FGGY: variants seen among roughly 807,000 people sequenced by gnomAD.
The protein encoded by FGGY is FGGY carbohydrate kinase domain-containing protein.
A neutral mutation model predicts 71.3 loss-of-function variants in FGGY; 72 were observed. The ratio of observed to expected loss-of-function variants is 1.01; its 90% CI spans 0.84 to 1.23. The LOEUF is 1.23. Ranked by LOEUF, FGGY falls within the 50% of genes most tolerant of loss-of-function variation. FGGY has a pLI of 0.00. For synonymous variants in FGGY, 251 were observed against 250.3 expected, an observed-to-expected ratio of 1.00 and a Z score of -0.02; for missense variants, 668 against 682.3, an observed-to-expected ratio of 0.98 and a Z score of 0.23.
rs544615893 is a variant in FGGY, at chr1:59,463,075, C to T, written c.670+5999C>T. Reference sequence around the variant, plus strand: ...AACCAACCCAAATGTCCATCAATGACAGACTGGATTAAGAAAATGTGGCAC... The same window carrying T: ...AACCAACCCAAATGTCCATCAATGATAGACTGGATTAAGAAAATGTGGCAC... On this transcript the variant is annotated intron_variant, in intron 6 of 15. Transcript: ENST00000303721. 7.2e-5 allele frequency among the ~76,000 whole-genome samples: 11 copies of T among 152,200 alleles called. No individual in the cohort carries two copies. In the East Asian group the frequency reaches 7.7e-4, roughly 11 times the overall value.
chr1:59,360,949 G>A (rs2055389037), intron 4 of FGGY, among the ~76,000 whole-genome samples: 1 of 152,174 alleles, frequency 6.6e-6, no homozygotes, highest in Non-Finnish European at 1.5e-5. Flanking sequence ...TCCAGCCTGT[G>A]CTGTTTCTAC....
chr1:59,347,771 G>A (rs2153222022), intron 4 of FGGY, among the ~76,000 whole-genome samples: 1 of 152,186 alleles, frequency 6.6e-6, no homozygotes, highest in African/African-American at 2.4e-5. Flanking sequence ...AACTGAAACT[G>A]GATCCCTTCC....
At chr1:59,651,975 T>C (rs1371702880) in intron 11 of FGGY, among the ~76,000 whole-genome samples, 1 of 151,442 alleles carries the variant, frequency 6.6e-6, no homozygotes, top group Non-Finnish European at 1.5e-5. Flanking sequence ...CAGCATTTGC[T>C]TGTCTGTAAA....
intron 9 of FGGY, among the ~76,000 whole-genome samples, chr1:59,618,187 A>G (rs1002245880): frequency 2.0e-5 from 3 of 152,148 alleles, no homozygotes; most frequent in Non-Finnish European, 4.4e-5. Flanking sequence ...ATTGTAGGAC[A>G]TAAAAATAGA....
At chr1:59,479,171 A>G (rs960039595) in intron 6 of FGGY, among the ~76,000 whole-genome samples, 3 of 152,192 alleles carry the variant, frequency 2.0e-5, no homozygotes, top group Non-Finnish European at 4.4e-5. Context: ...CCAAGGTCAT[A>G]TAGCTGGGTT....
At chr1:59,526,769 G>A (rs936918032) in intron 7 of FGGY, among the ~76,000 whole-genome samples, 4 of 152,186 alleles carry the variant, frequency 2.6e-5, no homozygotes, top group African/African-American at 9.6e-5. Flanking sequence ...AGAGGCAGCC[G>A]GGAAGACGGA....
intron 4 of FGGY, among the ~76,000 whole-genome samples, chr1:59,374,284 C>G (rs553603755): frequency 1.6e-4 from 25 of 152,306 alleles, no homozygotes; most frequent in Admixed American, 1.0e-3. Context: ...ATTTATGCAG[C>G]CAGAAACCAC....
At chr1:59,634,284 G>A (rs2096935530) in intron 10 of FGGY, among the ~76,000 whole-genome samples, 1 of 152,114 alleles carries the variant, frequency 6.6e-6, no homozygotes, top group Non-Finnish European at 1.5e-5. Flanking sequence ...GCACACGCCT[G>A]TAGTCCCAGC....
intron 4 of FGGY, among the ~76,000 whole-genome samples, chr1:59,369,506 G>A (rs551794370): frequency 1.0e-3 from 152 of 152,322 alleles, no homozygotes; most frequent in African/African-American, 3.6e-3. Context: ...CAAAAAGACA[G>A]CAGTAACCTC....
chr1:59,356,543 T>G (rs1309941074), intron 4 of FGGY, among the ~76,000 whole-genome samples: 1 of 152,232 alleles, frequency 6.6e-6, no homozygotes, highest in African/African-American at 2.4e-5. Context: ...GCTGTATTTA[T>G]CTCAGTGTCC....
intron 1 of FGGY, among the ~76,000 whole-genome samples, chr1:59,312,844 G>T (rs1222864063): frequency 6.6e-6 from 1 of 152,162 alleles, no homozygotes; most frequent in African/African-American, 2.4e-5. Flanking sequence ...GATTCTTGTG[G>T]CTGCCACATT....
At chr1:59,617,969 G>A (rs1428282864) in intron 9 of FGGY, among the ~76,000 whole-genome samples, 1 of 152,116 alleles carries the variant, frequency 6.6e-6, no homozygotes, top group Non-Finnish European at 1.5e-5. Context: ...AAGACATTCT[G>A]CTATAAATGG....
intron 14 of FGGY, among the ~76,000 whole-genome samples, chr1:59,724,907 A>G (rs978330348): frequency 6.6e-6 from 1 of 152,110 alleles, no homozygotes; most frequent in African/African-American, 2.4e-5. Context: ...GTTTTCTTCT[A>G]GTTTGTGGCT....
intron 7 of FGGY, among the ~76,000 whole-genome samples, chr1:59,520,550 C>CT (rs1468506064): frequency 6.6e-6 from 1 of 152,164 alleles, no homozygotes; most frequent in Non-Finnish European, 1.5e-5. Flanking sequence ...ACAACTATTT[C>CT]AGTTTTTTCA....
intron 6 of FGGY, among the ~76,000 whole-genome samples, chr1:59,472,286 T>C (rs2092990769): frequency 6.6e-6 from 1 of 152,196 alleles, no homozygotes; most frequent in Non-Finnish European, 1.5e-5. Flanking sequence ...GCAGCTGCTG[T>C]GCTCAATTTC....
chr1:59,486,239 G>C (rs1257098134), intron 6 of FGGY, among the ~76,000 whole-genome samples: 1 of 152,168 alleles, frequency 6.6e-6, no homozygotes, highest in Admixed American at 6.5e-5. Context: ...AAGAGCCAAG[G>C]AACAGCAAGG....
chr1:59,622,989 T>C (rs1396045719), intron 9 of FGGY, among the ~76,000 whole-genome samples: 1 of 152,186 alleles, frequency 6.6e-6, no homozygotes, highest in Non-Finnish European at 1.5e-5. Context: ...GATGTCAGCA[T>C]TGCTCTAGGC....
At chr1:59,458,892 C>T (rs1175824621) in intron 6 of FGGY, among the ~76,000 whole-genome samples, 1 of 152,154 alleles carries the variant, frequency 6.6e-6, no homozygotes, top group Non-Finnish European at 1.5e-5. Flanking sequence ...TCAGAAACTC[C>T]TCTGGAAGCT....
intron 8 of FGGY, among the ~76,000 whole-genome samples, chr1:59,584,645 A>G (rs2096252874): frequency 6.7e-6 from 1 of 150,020 alleles, no homozygotes; most frequent in South Asian, 2.1e-4. Flanking sequence ...CTGCTATTCA[A>G]CGTAGTGTTG....
Sources: allele counts gnomAD v4.1 joint callset (sites outside exome capture counted in the v4.1 genomes callset), GRCh38; gene constraint gnomAD v4.1.1; transcripts MANE v1.5; gene names NCBI Gene and HGNC (gene_info 2026-07-23, HGNC 2026-07-21).